FARP2: variants seen among roughly 807,000 people sequenced by gnomAD.
The protein encoded by FARP2 is FERM, ARHGEF and pleckstrin domain-containing protein 2.
FARP2 carries 111 observed loss-of-function variants against 130.5 expected under a neutral mutation model. The observed-to-expected ratio is 0.85, with a 90% CI of 0.73 to 1.00. FARP2 has a LOEUF of 1.00. Among genes scored for constraint, FARP2 ranks in the 50% least tolerant of loss-of-function variants. The probability of loss-of-function intolerance (pLI) is 0.00; values close to 1 mark genes in which losing one functional copy is unlikely to be tolerated. For synonymous variants in FARP2, 504 were observed against 516.9 expected, an observed-to-expected ratio of 0.98 and a Z score of 0.34; for missense variants, 1,385 against 1,346.3, an observed-to-expected ratio of 1.03 and a Z score of -0.45.
intron 11 of FARP2, 69 bp downstream of exon 11, chr2:241,435,099 G>A: frequency 6.6e-6 from 6 of 907,272 alleles, no homozygotes; most frequent in Non-Finnish European, 1.0e-5. Flanking sequence ...TATATGGAGA[G>A]AGAGCGAAAA....
At chr2:241,391,857 A>C (rs1197618931) in intron 2 of FARP2, among the ~76,000 whole-genome samples, 1 of 152,222 alleles carries the variant, frequency 6.6e-6, no homozygotes, top group East Asian at 1.9e-4. Flanking sequence ...GAATCGTTCA[A>C]GGGCCAGTCA....
intron 2 of FARP2, among the ~76,000 whole-genome samples, chr2:241,377,243 G>A (rs566886957): frequency 6.6e-6 from 1 of 152,124 alleles, no homozygotes; most frequent in African/African-American, 2.4e-5. Flanking sequence ...GACATTGTGT[G>A]GTGCTGTGCA....
chr2:241,459,434 G>A lies in FARP2; in HGVS notation c.1587+2512G>A, dbSNP rs1330111878. On this transcript the variant is annotated intron_variant, in intron 14 of 26. Transcript: ENST00000264042. This position sits in a 1 kb window ranked among gnomAD's most constrained non-coding sequence, Gnocchi z 5.3. ...CCAGTTGCTGGGCTGTGCGGGGAGGGGCAAAGAGCTGCCCACCCTCCAGCC... is the reference window on the plus strand; with the variant it reads ...CCAGTTGCTGGGCTGTGCGGGGAGGAGCAAAGAGCTGCCCACCCTCCAGCC... Among the ~76,000 whole-genome samples, 2 of 152,200 alleles carry A rather than the reference G, an allele frequency of 1.3e-5. No individual in the cohort carries two copies. The highest frequency in any genetic ancestry group is 2.9e-5 in the Non-Finnish European group (2 of 68,030).
chr2:241,376,832 G>A (rs2061546173), intron 2 of FARP2, among the ~76,000 whole-genome samples: 1 of 152,228 alleles, frequency 6.6e-6, no homozygotes, highest in African/African-American at 2.4e-5. Context: ...GTCTGTCTTG[G>A]TGAAGACACC....
At chr2:241,377,411 G>C (rs368430554) in intron 2 of FARP2, among the ~76,000 whole-genome samples, 1 of 149,990 alleles carries the variant, frequency 6.7e-6, no homozygotes, top group Non-Finnish European at 1.5e-5. Flanking sequence ...GCGCAATCTC[G>C]GCTCACTGCA....
intron 13 of FARP2, chr2:241,444,885 G>C (rs1271892323): frequency 6.6e-6 from 1 of 152,122 alleles, no homozygotes; most frequent in Non-Finnish European, 1.5e-5. Flanking sequence ...GCTTGCCCCA[G>C]CTGTGCCTTT....
chr2:241,488,542 A>C (rs1167692861), intron 21 of FARP2: 1 of 150,828 alleles, frequency 6.6e-6, no homozygotes, highest in Non-Finnish European at 1.5e-5. Flanking sequence ...TCAGCCTCCC[A>C]AGTAGCTGGG....
At chr2:241,421,014 C>T (rs1290070303) in intron 8 of FARP2, among the ~76,000 whole-genome samples, 1 of 152,186 alleles carries the variant, frequency 6.6e-6, no homozygotes, top group Non-Finnish European at 1.5e-5. Flanking sequence ...AACAACTCAA[C>T]CCACAGAGGA....
chr2:241,488,149 A>C (rs1244547722), intron 21 of FARP2: 1 of 148,108 alleles, frequency 6.8e-6, no homozygotes, highest in Non-Finnish European at 1.5e-5. Context: ...TAATTTGTTG[A>C]ATACCAAACT....
intron 8 of FARP2, 62 bp downstream of exon 8, chr2:241,418,171 G>A: frequency 1.3e-6 from 2 of 1,579,428 alleles, no homozygotes; most frequent in Non-Finnish European, 1.7e-6. Context: ...CAACCTGGTG[G>A]GGTTTGTTCT....
At chr2:241,456,388 C>A (rs983285073) in intron 13 of FARP2, 5 of 176,478 alleles carry the variant, frequency 2.8e-5, no homozygotes, top group African/African-American at 1.2e-4. Context: ...CCTGGTGGTG[C>A]CTTTTGCTTT....
chr2:241,484,202 G>T (rs1250856037), intron 20 of FARP2, 40 bp from the exon 21 acceptor site: 7 of 1,613,136 alleles, frequency 4.3e-6, no homozygotes, highest in Non-Finnish European at 5.9e-6. Context: ...TAAGACACTT[G>T]TTTGTGAAGT....
At chr2:241,377,309 G>A (rs1268285295) in intron 2 of FARP2, among the ~76,000 whole-genome samples, 2 of 151,118 alleles carry the variant, frequency 1.3e-5, no homozygotes, top group Admixed American at 1.3e-4. Context: ...TAACATAGGG[G>A]AAATTTTGAT....
chr2:241,407,466 C>T (rs2062391104), intron 4 of FARP2, 71 bp from the exon 5 acceptor site: 4 of 1,103,960 alleles, frequency 3.6e-6, no homozygotes, highest in Non-Finnish European at 5.6e-6. Flanking sequence ...CTCAGTTATA[C>T]AGTAATATAT....
intron 7 of FARP2, among the ~76,000 whole-genome samples, chr2:241,415,937 T>A (rs1420330265): frequency 6.6e-6 from 1 of 151,864 alleles, no homozygotes; most frequent in Non-Finnish European, 1.5e-5. Context: ...TGGGCACTTA[T>A]GTCGAGAAGC....
chr2:241,420,404 G>C (rs1052325191), intron 8 of FARP2, among the ~76,000 whole-genome samples: 32 of 152,288 alleles, frequency 2.1e-4, no homozygotes, highest in African/African-American at 7.5e-4. Context: ...AATGGCCCCA[G>C]GGAAGAGTGG....
At chr2:241,479,142 T>C (rs1268973688) in intron 19 of FARP2, 5 of 409,746 alleles carry the variant, frequency 1.2e-5, no homozygotes, top group African/African-American at 2.1e-5. Context: ...GCTTCTGAGG[T>C]GGGTGGTGAG....
intron 2 of FARP2, among the ~76,000 whole-genome samples, chr2:241,377,543 T>C (rs2150308213): frequency 6.6e-6 from 1 of 152,010 alleles, no homozygotes; most frequent in African/African-American, 2.4e-5. Context: ...GGGTTTCACC[T>C]TGTTAGCCAG....
chr2:241,468,040 G>A (rs2064219342), intron 17 of FARP2, 100 bp from the exon 18 acceptor site: 2 of 841,152 alleles, frequency 2.4e-6, no homozygotes, highest in Non-Finnish European at 4.1e-6. Context: ...TTGCCCTGTG[G>A]GGATTTCCAG....
Sources: allele counts gnomAD v4.1 joint callset (sites outside exome capture counted in the v4.1 genomes callset), GRCh38; gene constraint gnomAD v4.1.1; non-coding constraint Gnocchi (gnomAD v3.1); transcripts MANE v1.5; gene names NCBI Gene and HGNC (gene_info 2026-07-23, HGNC 2026-07-21).